CTNNA2: variants seen among roughly 807,000 people sequenced by gnomAD.
CTNNA2 encodes the protein catenin alpha 2, also known as catenin alpha-2.
Under a neutral mutation model 101.0 loss-of-function variants are expected in CTNNA2, and 42 were observed. The observed-to-expected ratio is 0.42, with a 90% confidence interval of 0.32 to 0.54. The LOEUF is 0.54. Among genes scored for constraint, CTNNA2 ranks in the 20% least tolerant of loss-of-function variants. The pLI is 0.14. For synonymous variants in CTNNA2, 450 were observed against 456.4 expected (o/e 0.99, Z 0.18); for missense variants, 871 against 1,223.1 (o/e 0.71, Z 4.29).
chr2:79,621,860 T>A (rs964284154), intron 1 of CTNNA2, among the ~76,000 whole-genome samples: 1 of 152,128 alleles, frequency 6.6e-6, no homozygotes, highest in Non-Finnish European at 1.5e-5. Flanking sequence ...GGTCTTCTTC[T>A]CAGAAACCCA....
intron 9 of CTNNA2, among the ~76,000 whole-genome samples, chr2:80,495,939 C>CAAAAAAAA (rs60582703): frequency 2.2e-4 from 8 of 35,772 alleles, no homozygotes; most frequent in East Asian, 9.3e-4. Context: ...GACTCTGTCT[C>CAAAAAAAA]AAAAAAAAAA....
intron 7 of CTNNA2, among the ~76,000 whole-genome samples, chr2:79,955,504 C>T (rs1200143033): frequency 3.3e-5 from 5 of 152,158 alleles, no homozygotes; most frequent in African/African-American, 4.8e-5. Flanking sequence ...CTGACCCTCA[C>T]CTGCTTGGTC....
intron 4 of CTNNA2, among the ~76,000 whole-genome samples, chr2:79,401,845 TAAATTA>T (rs1441965936): frequency 1.3e-5 from 2 of 151,526 alleles, no homozygotes; most frequent in African/African-American, 4.8e-5. Flanking sequence ...TTTTAAAAAG[TAAATTA>T]AAATTAAATT....
At chr2:80,074,970 T>A (rs767066507) in intron 7 of CTNNA2, among the ~76,000 whole-genome samples, 3 of 152,226 alleles carry the variant, frequency 2.0e-5, no homozygotes, top group Non-Finnish European at 4.4e-5. Flanking sequence ...GGAAGTCCGT[T>A]AAAACTACTG....
intron 17 of CTNNA2, among the ~76,000 whole-genome samples, chr2:80,615,362 T>C (rs1311316638): frequency 6.6e-6 from 1 of 151,614 alleles, no homozygotes; most frequent in East Asian, 1.9e-4. Context: ...TAAGAATATT[T>C]TCTGATTCAT....
At chr2:79,408,649 A>G (rs190411564) in intron 4 of CTNNA2, among the ~76,000 whole-genome samples, 2 of 151,852 alleles carry the variant, frequency 1.3e-5, no homozygotes, top group African/African-American at 4.8e-5. Flanking sequence ...ATTTTTATGC[A>G]TAGTATTCCA....
intron 2 of CTNNA2, among the ~76,000 whole-genome samples, chr2:79,224,039 G>A (rs982102430): frequency 3.9e-5 from 6 of 152,158 alleles, no homozygotes; most frequent in East Asian, 1.9e-4. Flanking sequence ...GCATTCTTCC[G>A]TTGTACATTT....
At position 79,609,126 on chromosome 2, in the gene CTNNA2, G is replaced by C. The variant is rs181618451; in HGVS notation, c.-5-42426G>C. On this transcript the variant is annotated intron_variant, in intron 1 of 18. Transcript: ENST00000402739. ...ATATGAGTTACTTAGAGGTAAATCT[G>C]ACAAAAGAAGTGCATAATCTGTACA... is the stretch of plus-strand genomic sequence containing the variant. 2.6e-3 allele frequency among the ~76,000 whole-genome samples: 388 copies of C among 151,966 alleles called. 3 individuals carry two copies. The highest frequency in any genetic ancestry group is 9.0e-3 in the African/African-American group (374 of 41,488).
At chr2:79,555,820 T>C (rs1459430408) in intron 1 of CTNNA2, among the ~76,000 whole-genome samples, 2 of 152,114 alleles carry the variant, frequency 1.3e-5, no homozygotes, top group Non-Finnish European at 2.9e-5. Context: ...TACAGCTCCT[T>C]ATTCAAAGAC....
chr2:79,518,308 C>T (rs1671914294), intron 1 of CTNNA2, among the ~76,000 whole-genome samples: 1 of 152,120 alleles, frequency 6.6e-6, no homozygotes, highest in Non-Finnish European at 1.5e-5. Flanking sequence ...AAGATCCTAA[C>T]TTGCTACAGT....
At chr2:79,788,965 A>G (rs923919345) in intron 3 of CTNNA2, among the ~76,000 whole-genome samples, 2 of 152,226 alleles carry the variant, frequency 1.3e-5, no homozygotes, top group African/African-American at 4.8e-5. Flanking sequence ...TAATGGTAAG[A>G]TAAACATATG....
intron 7 of CTNNA2, among the ~76,000 whole-genome samples, chr2:80,376,608 A>G (rs754001655): frequency 2.6e-5 from 4 of 152,222 alleles, no homozygotes; most frequent in African/African-American, 4.8e-5. Context: ...ATAGATCTCT[A>G]GACTTTGCAT....
At chr2:80,406,548 T>C (rs59075352) in intron 8 of CTNNA2, among the ~76,000 whole-genome samples, 3 of 150,906 alleles carry the variant, frequency 2.0e-5, no homozygotes, top group Non-Finnish European at 4.4e-5. Flanking sequence ...AGGGGATGGC[T>C]GGGCGTGGTG....
At chr2:80,083,964 A>G (rs1225226119) in intron 7 of CTNNA2, among the ~76,000 whole-genome samples, 2 of 152,076 alleles carry the variant, frequency 1.3e-5, no homozygotes, top group Non-Finnish European at 2.9e-5. Flanking sequence ...GAGGTAATGT[A>G]TCTTGATGAG....
At chr2:79,676,382 C>G (rs1683186394) in intron 2 of CTNNA2, among the ~76,000 whole-genome samples, 1 of 152,102 alleles carries the variant, frequency 6.6e-6, no homozygotes. Context: ...CTGTCACACC[C>G]CTCCCTGGAC....
chr2:79,457,338 C>G (rs564215783), intron 4 of CTNNA2, among the ~76,000 whole-genome samples: 3 of 151,920 alleles, frequency 2.0e-5, no homozygotes, highest in Non-Finnish European at 4.4e-5. Context: ...CCACAGCAAA[C>G]ATGCATTCAT....
chr2:79,333,751 C>G (rs962805060), intron 3 of CTNNA2, among the ~76,000 whole-genome samples: 2 of 151,932 alleles, frequency 1.3e-5, no homozygotes, highest in Non-Finnish European at 2.9e-5. Flanking sequence ...GAAAAATCAC[C>G]TAATTGTTTA....
chr2:80,276,668 G>GGAGGAAGAAGA, intron 7 of CTNNA2, among the ~76,000 whole-genome samples: 1 of 151,942 alleles, frequency 6.6e-6, no homozygotes, highest in South Asian at 2.1e-4. Context: ...AGGAGGAGGA[G>GGAGGAAGAAGA]GAGGAAGAAG....
intron 7 of CTNNA2, among the ~76,000 whole-genome samples, chr2:80,191,703 T>G (rs1383257952): frequency 6.6e-6 from 1 of 152,184 alleles, no homozygotes; most frequent in African/African-American, 2.4e-5. Context: ...ATTTGAGAAG[T>G]AAAAATGCCT....
Sources: gnomAD v4.1 joint callset for allele counts (sites outside exome capture counted in the v4.1 genomes callset) on GRCh38, gnomAD v4.1.1 for gene constraint, MANE v1.5 for transcripts, NCBI Gene and HGNC (gene_info 2026-07-23, HGNC 2026-07-21) for gene names.